The following RBFOX2 variants were observed in gnomAD, a reference collection of about 807,000 sequenced individuals.
RBFOX2 encodes the protein RNA binding protein fox-1 homolog 2.
Under a neutral mutation model 49.1 loss-of-function variants are expected in RBFOX2, and 10 were observed. The ratio of observed to expected loss-of-function variants is 0.20; its 90% confidence interval spans 0.13 to 0.35. The LOEUF is 0.35. Among genes scored for constraint, RBFOX2 ranks in the 10% least tolerant of loss-of-function variants. RBFOX2 has a pLI of 1.00. For missense variants in RBFOX2, 323 were observed against 486.9 expected (o/e 0.66, Z 3.17); for synonymous variants, 183 against 187.4 (o/e 0.98, Z 0.19).
chr22:35,958,667 G>A (rs2055860265), intron 1 of RBFOX2, among the ~76,000 whole-genome samples: 1 of 152,152 alleles, frequency 6.6e-6, no homozygotes, highest in Non-Finnish European at 1.5e-5. Flanking sequence ...GTGATCTTCT[G>A]ATAATTACCA....
At chr22:35,987,811 G>A (rs1258310414) in intron 1 of RBFOX2, among the ~76,000 whole-genome samples, 1 of 152,164 alleles carries the variant, frequency 6.6e-6, no homozygotes, top group Non-Finnish European at 1.5e-5. Flanking sequence ...GCCCCCAACT[G>A]CCAAATGCTT....
At chr22:35,996,701 A>C (rs2058208663) in intron 1 of RBFOX2, 1 of 152,212 alleles carries the variant, frequency 6.6e-6, no homozygotes, top group Non-Finnish European at 1.5e-5. Context: ...AAGAGAAAAA[A>C]AAGTCACCAG....
At chr22:35,801,064 T>C (rs1022406345) in intron 2 of RBFOX2, among the ~76,000 whole-genome samples, 2 of 152,120 alleles carry the variant, frequency 1.3e-5, no homozygotes, top group African/African-American at 4.8e-5. Context: ...GTCGGAGTGG[T>C]AGAACGAAGA....
upstream of RBFOX2, among the ~76,000 whole-genome samples, chr22:35,943,366 A>G (rs1419713865): frequency 6.6e-6 from 1 of 152,240 alleles, no homozygotes; most frequent in Non-Finnish European, 1.5e-5. Flanking sequence ...TCCAAAAAGA[A>G]AAGGTTTTAG....
chr22:36,001,374 G>GA (rs2058418796), intron 1 of RBFOX2, among the ~76,000 whole-genome samples: 1 of 151,756 alleles, frequency 6.6e-6, no homozygotes, highest in Admixed American at 6.6e-5. Flanking sequence ...ATATCAATAA[G>GA]AAAAAAACAA....
At chr22:35,948,490 C>A (rs545359950) in intron 1 of RBFOX2, among the ~76,000 whole-genome samples, 2 of 152,190 alleles carry the variant, frequency 1.3e-5, no homozygotes, top group African/African-American at 4.8e-5. Flanking sequence ...CGAGACCAGC[C>A]TGGGCCAACA....
intron 1 of RBFOX2, among the ~76,000 whole-genome samples, chr22:35,937,048 CAG>C (rs547439184): frequency 3.7e-4 from 57 of 152,264 alleles, no homozygotes; most frequent in South Asian, 1.0e-3. Context: ...CAGGATGAAA[CAG>C]AAACTGTCAC....
At chr22:35,899,936 A>C (rs890265844) in intron 1 of RBFOX2, among the ~76,000 whole-genome samples, 25 of 152,192 alleles carry the variant, frequency 1.6e-4, no homozygotes, top group African/African-American at 5.8e-4. Flanking sequence ...TGCTTCTGAG[A>C]AAGAAAAATC....
At chr22:35,870,358 T>C (rs961349520) in intron 1 of RBFOX2, among the ~76,000 whole-genome samples, 1 of 151,782 alleles carries the variant, frequency 6.6e-6, no homozygotes, top group African/African-American at 2.4e-5. Flanking sequence ...AATACAAAAA[T>C]TAGCTGAGGA....
chr22:35,810,167 A>T (rs771511546), intron 1 of RBFOX2, among the ~76,000 whole-genome samples, 163 bp from the exon 3 acceptor site: 22 of 147,148 alleles, frequency 1.5e-4, no homozygotes, highest in Non-Finnish European at 2.7e-4. Context: ...ACATACACAC[A>T]TAGATATATG....
intron 1 of RBFOX2, among the ~76,000 whole-genome samples, chr22:35,966,944 T>C (rs771250975): frequency 5.3e-5 from 8 of 151,790 alleles, no homozygotes; most frequent in Non-Finnish European, 8.8e-5. Flanking sequence ...TCTGGAGTAG[T>C]TGGAACAATA....
intron 1 of RBFOX2, among the ~76,000 whole-genome samples, chr22:35,960,335 G>A (rs2056062989): frequency 6.6e-6 from 1 of 152,106 alleles, no homozygotes; most frequent in Admixed American, 6.6e-5. Context: ...AACGCACCAA[G>A]AGACTAACTT....
chr22:35,904,673 T>C (rs2048935098), intron 1 of RBFOX2, among the ~76,000 whole-genome samples: 1 of 152,166 alleles, frequency 6.6e-6, no homozygotes, highest in Non-Finnish European at 1.5e-5. Context: ...TAATCTACAT[T>C]CCAAATTGTC....
chr22:35,820,273 CG>C (rs1954177571), intron 1 of RBFOX2, among the ~76,000 whole-genome samples: 3 of 152,262 alleles, frequency 2.0e-5, no homozygotes, highest in African/African-American at 7.2e-5. Flanking sequence ...TGTTGGGAGG[CG>C]ACCCTGATAA....
intron 1 of RBFOX2, among the ~76,000 whole-genome samples, chr22:35,971,106 C>T (rs1207233193): frequency 2.0e-5 from 3 of 152,040 alleles, no homozygotes; most frequent in African/African-American, 7.3e-5. Context: ...GTGCAGAGTG[C>T]CTGATATACT....
At chr22:35,963,539 C>A (rs1380000461), upstream of RBFOX2, among the ~76,000 whole-genome samples, 1 of 152,148 alleles carries the variant, frequency 6.6e-6, no homozygotes, top group Non-Finnish European at 1.5e-5. Flanking sequence ...GAGTGCCCAT[C>A]AACTCAATTA....
upstream of RBFOX2, chr22:35,961,749 A>G (rs2056230417): frequency 1.7e-6 from 2 of 1,211,414 alleles, no homozygotes; most frequent in Non-Finnish European, 2.1e-6. Flanking sequence ...TTCTCCCCAC[A>G]CCACCCGCCC....
chr22:35,802,232 T>C (rs1000338233), intron 2 of RBFOX2, among the ~76,000 whole-genome samples: 1 of 151,654 alleles, frequency 6.6e-6, no homozygotes, highest in African/African-American at 2.4e-5. Context: ...ATGGTAGCAA[T>C]AAAGGAAAAA....
chr22:35,930,679 A>G (rs902485356), intron 1 of RBFOX2, among the ~76,000 whole-genome samples: 2 of 151,916 alleles, frequency 1.3e-5, no homozygotes, highest in East Asian at 3.9e-4. Flanking sequence ...AAAATATAAA[A>G]AGTAGTCGGG....
Sources: allele counts gnomAD v4.1 joint callset (sites outside exome capture counted in the v4.1 genomes callset), GRCh38; gene constraint gnomAD v4.1.1; transcripts MANE v1.5; gene names NCBI Gene and HGNC (gene_info 2026-07-23, HGNC 2026-07-21).